Variants in FAXDC2 observed in about 807,000 individuals in gnomAD.
FAXDC2 encodes fatty acid hydroxylase domain containing 2.
A neutral mutation model predicts 40.9 loss-of-function variants in FAXDC2; 41 were observed. That is an observed-to-expected ratio of 1.00 (90% CI 0.78 to 1.30). The LOEUF (loss-of-function observed/expected upper bound fraction) is 1.30. Among genes scored for constraint, FAXDC2 ranks in the 50% most tolerant of loss-of-function variants. FAXDC2 has a pLI of 0.00. For synonymous variants in FAXDC2, 157 were observed against 149.3 expected, an observed-to-expected ratio of 1.05 and a Z score of -0.38; for missense variants, 390 against 408.8, an observed-to-expected ratio of 0.95 and a Z score of 0.40.
chr5:154,843,335 T>G (rs1760525549), intron 1 of FAXDC2, among the ~76,000 whole-genome samples: 1 of 152,238 alleles, frequency 6.6e-6, no homozygotes, highest in Non-Finnish European at 1.5e-5. Context: ...AAACGAGACA[T>G]GGCCTTTGAT....
chr5:154,824,054 GT>G (rs952949755), intron 5 of FAXDC2: 4 of 221,894 alleles, frequency 1.8e-5, no homozygotes, highest in Admixed American at 5.2e-5. Flanking sequence ...TCCTCAAGTG[GT>G]CCAGCCTCCC....
chr5:154,848,550 C>T (rs1760659567), intron 1 of FAXDC2, among the ~76,000 whole-genome samples: 1 of 152,150 alleles, frequency 6.6e-6, no homozygotes, highest in African/African-American at 2.4e-5. Context: ...AGGAGACTGA[C>T]CTGTAATGTA....
intron 3 of FAXDC2, 29 bp downstream of exon 3, chr5:154,834,814 T>C: frequency 6.3e-7 from 1 of 1,597,014 alleles, no homozygotes; most frequent in Non-Finnish European, 8.6e-7. Flanking sequence ...ACCACCACAC[T>C]GCACCCTAGC....
At chr5:154,845,673 CA>C (rs113578537) in intron 1 of FAXDC2, among the ~76,000 whole-genome samples, 96,330 of 151,202 alleles carry the variant, frequency 0.64, 31,908 homozygotes, top group African/African-American at 0.77. Context: ...AACAAGCAAA[CA>C]AAAAAAAACA....
At chr5:154,821,707 G>C (rs1759893564) in intron 7 of FAXDC2, among the ~76,000 whole-genome samples, 1 of 152,184 alleles carries the variant, frequency 6.6e-6, no homozygotes. Flanking sequence ...AGCAATTTGG[G>C]AGACAGAGGT....
chr5:154,835,654 C>T (rs1760324196), intron 2 of FAXDC2, among the ~76,000 whole-genome samples: 1 of 151,964 alleles, frequency 6.6e-6, no homozygotes, highest in African/African-American at 2.4e-5. Context: ...GATCTTGGCT[C>T]ACTGCCAGCT....
intron 1 of FAXDC2, among the ~76,000 whole-genome samples, chr5:154,846,140 A>T (rs186076862): frequency 7.9e-5 from 12 of 152,144 alleles, no homozygotes; most frequent in Admixed American, 6.6e-4. Flanking sequence ...TTCAGTGCTC[A>T]TTATACCAAC....
intron 1 of FAXDC2, among the ~76,000 whole-genome samples, chr5:154,844,403 A>G (rs1183971688): frequency 6.6e-6 from 1 of 151,946 alleles, no homozygotes; most frequent in Non-Finnish European, 1.5e-5. Flanking sequence ...AAAAAGAAAA[A>G]GAAACAAGTA....
rs552308509 is a variant in FAXDC2 at position 154,828,292 on chromosome 5, G to T, written c.366+2509C>A. Among the ~76,000 whole-genome samples the T allele has an allele frequency of 4.0e-5, 6 of 151,840 alleles. No homozygotes were observed. The East Asian group carries it at 5.8e-4, about 15-fold the overall frequency. On this transcript the variant is annotated intron_variant, in intron 5 of 8. Transcript: ENST00000326080. ...GTAGTGAGCAACCACACTTGGTGGGGTTTTTTTTGTTTTGTTTTGTTTTGT... is the reference window on the plus strand; with the variant it reads ...GTAGTGAGCAACCACACTTGGTGGGTTTTTTTTTGTTTTGTTTTGTTTTGT...
chr5:154,825,381 C>T (rs192523188), intron 5 of FAXDC2, among the ~76,000 whole-genome samples: 28 of 124,744 alleles, frequency 2.2e-4, no homozygotes, highest in African/African-American at 5.2e-4. Flanking sequence ...AAAGGCAGGC[C>T]GGTGCTGTGG....
At chr5:154,850,241 C>G (rs1760696405) in intron 1 of FAXDC2, among the ~76,000 whole-genome samples, 1 of 152,230 alleles carries the variant, frequency 6.6e-6, no homozygotes, top group African/African-American at 2.4e-5. Flanking sequence ...ATGGTACAAA[C>G]ACAGGCAGAG....
chr5:154,849,867 T>G (rs1461309249), intron 1 of FAXDC2, among the ~76,000 whole-genome samples: 2 of 152,218 alleles, frequency 1.3e-5, no homozygotes, highest in Non-Finnish European at 2.9e-5. Flanking sequence ...ATAACCTTCG[T>G]GGAGTGTTTC....
chr5:154,836,953 G>A (rs1760363305), intron 2 of FAXDC2, among the ~76,000 whole-genome samples: 1 of 152,106 alleles, frequency 6.6e-6, no homozygotes, highest in Admixed American at 6.6e-5. Flanking sequence ...GGGATTACAA[G>A]CATGTGCCAC....
intron 1 of FAXDC2, among the ~76,000 whole-genome samples, chr5:154,846,629 C>T (rs1760605585): frequency 6.6e-6 from 1 of 151,964 alleles, no homozygotes; most frequent in African/African-American, 2.4e-5. Context: ...AAGTGATGTT[C>T]CCACCTCAGC....
At chr5:154,822,671 C>A in intron 6 of FAXDC2, 94 bp from the exon 7 acceptor site, 1 of 916,166 alleles carries the variant, frequency 1.1e-6, no homozygotes, top group Non-Finnish European at 1.8e-6. Flanking sequence ...CTAGGGGTTA[C>A]ATCCATGGAG....
chr5:154,833,298 A>G (rs773681731), intron 4 of FAXDC2, among the ~76,000 whole-genome samples: 1 of 151,298 alleles, frequency 6.6e-6, no homozygotes, highest in Non-Finnish European at 1.5e-5. Flanking sequence ...CAGCCTCCCA[A>G]AGTGCTGGGA....
Position 154,834,924 on chromosome 5 carries a change from A to C in FAXDC2, c.59T>G (p.Ile20Ser), listed in dbSNP as rs1760282122. 1.3e-6 allele frequency: 2 copies of C among 1,598,430 alleles called. No individual in the cohort carries two copies. Among genetic ancestry groups the C allele is most frequent in the Non-Finnish European group, 1.7e-6 (2 of 1,171,444 alleles). The part of the protein sequence containing the change: ...HNEKSKQEGH[I>S]WGSMRRTAFI... ...AGCTGTCCTCCTCATAGAGCCCCAG[A>C]TGTGTCCCTCCTGGAGGAGGGCAGG... is the stretch of plus-strand genomic sequence containing the variant. The change falls in exon 3 of 9, where the codon ATC becomes AGC. Residue 20 changes from isoleucine to serine, a missense_variant. Transcript: ENST00000326080.
chr5:154,821,422 G>T lies in FAXDC2; in HGVS notation c.683C>A (p.Ser228Tyr). The T allele has an allele frequency of 1.2e-6, 2 of 1,611,216 alleles. No individual in the cohort carries two copies. The highest frequency in any genetic ancestry group is 1.7e-6 in the Non-Finnish European group (2 of 1,178,798). ...GCCCACTATCACCGGTAGCATGTTG[G>T]AGACCTGCAAGAGGAGGGATGATTG... The part of the protein sequence containing the change: ...LYAHPIEHAV[S>Y]NMLPVIVGPL... The change falls in exon 8 of 9, where the codon TCC becomes TAC. Residue 228 changes from serine to tyrosine, a missense_variant. Physicochemically the swap from Ser to Tyr is moderately radical, Grantham distance 144. Coordinates refer to ENST00000326080, the MANE Select transcript of FAXDC2 (RefSeq NM_032385.5).
chr5:154,822,364 A>G (rs1759910522), intron 7 of FAXDC2, 108 bp downstream of exon 7: 1 of 743,340 alleles, frequency 1.3e-6, no homozygotes, highest in African/African-American at 1.8e-5. Context: ...GCTATTTTTA[A>G]ATGGGAAGAA....
Sources: gnomAD v4.1 joint callset for allele counts (sites outside exome capture counted in the v4.1 genomes callset) on GRCh38, gnomAD v4.1.1 for gene constraint, MANE v1.5 for transcripts, NCBI Gene and HGNC (gene_info 2026-07-23, HGNC 2026-07-21) for gene names.